LHFPL3: variants seen among roughly 807,000 people sequenced by gnomAD.
LHFPL3 encodes LHFPL tetraspan subfamily member 3 protein.
Under a neutral mutation model 19.3 loss-of-function variants are expected in LHFPL3, and 5 were observed. That is an observed-to-expected ratio of 0.26 (90% CI 0.14 to 0.54). The LOEUF is 0.54. LHFPL3 is among the 20% of genes least tolerant of loss of function. LHFPL3 has a pLI of 0.94. For synonymous variants in LHFPL3, 133 were observed against 126.2 expected (o/e 1.05, Z -0.36); for missense variants, 249 against 307.4 (o/e 0.81, Z 1.42).
chr7:104,848,125 A>G (rs1455815870), intron 2 of LHFPL3, among the ~76,000 whole-genome samples: 1 of 152,206 alleles, frequency 6.6e-6, no homozygotes, highest in Non-Finnish European at 1.5e-5. Flanking sequence ...TTTCAGCTCC[A>G]GAATTTTGGC....
At chr7:104,343,182 T>A (rs1355245854) in intron 1 of LHFPL3, among the ~76,000 whole-genome samples, 1 of 152,016 alleles carries the variant, frequency 6.6e-6, no homozygotes, top group Admixed American at 6.6e-5. Context: ...CCCAAATGTG[T>A]TAAAGTATTA....
intron 1 of LHFPL3, among the ~76,000 whole-genome samples, chr7:104,338,212 C>A (rs979348746): frequency 1.4e-5 from 2 of 147,680 alleles, no homozygotes; most frequent in African/African-American, 5.0e-5. Context: ...CATTCTCCTG[C>A]CTTAGCCTCC....
chr7:104,561,106 G>A lies in LHFPL3; in HGVS notation c.446-175569G>A, dbSNP rs1297393064. 2.0e-5 allele frequency among the ~76,000 whole-genome samples: 3 copies of A among 152,132 alleles called. No individual in the cohort carries two copies. In the East Asian group the frequency reaches 5.8e-4, roughly 29 times the overall value. ...TGAGGAGAGCTTTACTTCCCAGTATGTGGTCAATTTTGGAATAGGTGTGGT... is the reference window on the plus strand; with the variant it reads ...TGAGGAGAGCTTTACTTCCCAGTATATGGTCAATTTTGGAATAGGTGTGGT... On this transcript the variant is annotated intron_variant, in intron 1 of 2. Transcript: ENST00000424859.
chr7:104,342,398 C>T (rs146919123), intron 1 of LHFPL3, among the ~76,000 whole-genome samples: 58 of 151,904 alleles, frequency 3.8e-4, no homozygotes, highest in African/African-American at 9.9e-4. Context: ...GAACATGGAC[C>T]GCAGCCATAG....
At chr7:104,807,011 A>ATATGTGTGTGTGTGTGTG (rs1377044318) in intron 2 of LHFPL3, among the ~76,000 whole-genome samples, 39 of 139,768 alleles carry the variant, frequency 2.8e-4, no homozygotes, top group African/African-American at 6.7e-4. Context: ...CAAAATATAT[A>ATATGTGTGTGTGTGTGTG]TGTGTGTGTG....
chr7:104,747,635 C>G (rs914780953), intron 2 of LHFPL3, among the ~76,000 whole-genome samples: 1 of 152,172 alleles, frequency 6.6e-6, no homozygotes, highest in African/African-American at 2.4e-5. Context: ...TCTTGGGAGA[C>G]TATTCCCCCA....
chr7:104,587,586 T>G (rs1284070757), intron 1 of LHFPL3, among the ~76,000 whole-genome samples: 2 of 152,198 alleles, frequency 1.3e-5, no homozygotes, highest in Non-Finnish European at 2.9e-5. Flanking sequence ...ACATACATGT[T>G]CATGTGTCTT....
chr7:104,873,626 T>C (rs1248068592), intron 2 of LHFPL3, among the ~76,000 whole-genome samples: 1 of 152,082 alleles, frequency 6.6e-6, no homozygotes, highest in Non-Finnish European at 1.5e-5. Context: ...AGATTCTGTC[T>C]CTAAAAAGGA....
intron 1 of LHFPL3, among the ~76,000 whole-genome samples, chr7:104,653,747 A>G (rs1241904631): frequency 6.6e-6 from 1 of 152,194 alleles, no homozygotes; most frequent in Non-Finnish European, 1.5e-5. Flanking sequence ...ACCTGCCTGC[A>G]GGGACTTTTT....
intron 2 of LHFPL3, among the ~76,000 whole-genome samples, chr7:104,761,491 T>C (rs540287983): frequency 6.6e-6 from 1 of 152,248 alleles, no homozygotes; most frequent in East Asian, 1.9e-4. Context: ...TTCTCAAAGC[T>C]TCCCCCTGTC....
intron 1 of LHFPL3, among the ~76,000 whole-genome samples, chr7:104,697,157 C>T (rs1455162591): frequency 7.9e-5 from 12 of 152,114 alleles, no homozygotes; most frequent in Admixed American, 2.6e-4. Context: ...CCCTCATGAC[C>T]TAGAGACCTA....
chr7:104,533,743 AT>A (rs1437861293), intron 1 of LHFPL3, among the ~76,000 whole-genome samples: 2 of 152,118 alleles, frequency 1.3e-5, no homozygotes, highest in Non-Finnish European at 2.9e-5. Context: ...GGGACTCCAG[AT>A]TTGACTGCAC....
chr7:104,526,544 T>G lies in LHFPL3; in HGVS notation c.445+197320T>G, dbSNP rs2115829724. Reference sequence around the variant, plus strand: ...GCCAGTGCCAACTTGAAAATGAATTTTTAAAAGCCCACGGCAATCTCCATT... The same window carrying G: ...GCCAGTGCCAACTTGAAAATGAATTGTTAAAAGCCCACGGCAATCTCCATT... On this transcript the variant is annotated intron_variant, in intron 1 of 2. Coordinates refer to ENST00000424859, the MANE Select transcript of LHFPL3 (RefSeq NM_199000.3). 2.0e-5 allele frequency among the ~76,000 whole-genome samples: 3 copies of G among 152,362 alleles called. 1 individual carries two copies. In the South Asian group the frequency reaches 6.2e-4, roughly 32 times the overall value.
intron 1 of LHFPL3, among the ~76,000 whole-genome samples, chr7:104,563,856 G>T (rs1790067725): frequency 6.6e-6 from 1 of 152,182 alleles, no homozygotes; most frequent in African/African-American, 2.4e-5. Flanking sequence ...TGTTATAGTA[G>T]CCTGAACAGA....
At chr7:104,391,070 G>GT (rs1186182842) in intron 1 of LHFPL3, among the ~76,000 whole-genome samples, 1 of 152,110 alleles carries the variant, frequency 6.6e-6, no homozygotes, top group Non-Finnish European at 1.5e-5. Flanking sequence ...GTTCTTTGTA[G>GT]ATTCTGGATA....
Position 104,395,236 on chromosome 7 carries a change from T to C in LHFPL3, c.445+66012T>C, listed in dbSNP as rs146180229. Among the ~76,000 whole-genome samples the C allele has an allele frequency of 3.8e-3, 578 of 152,298 alleles. 4 individuals carry two copies. Among genetic ancestry groups the C allele is most frequent in the Middle Eastern group, 0.02 (6 of 294 alleles). On this transcript the variant is annotated intron_variant, in intron 1 of 2. Coordinates refer to ENST00000424859, the MANE Select transcript of LHFPL3 (RefSeq NM_199000.3). Reference sequence around the variant, plus strand: ...TAACACAATTAACAAACAAGGAACATGTAAAAAATTAAATCTAACTTTTTC... The same window carrying C: ...TAACACAATTAACAAACAAGGAACACGTAAAAAATTAAATCTAACTTTTTC...
At chr7:104,570,182 A>G (rs900690383) in intron 1 of LHFPL3, among the ~76,000 whole-genome samples, 1 of 152,228 alleles carries the variant, frequency 6.6e-6, no homozygotes, top group Admixed American at 6.5e-5. Context: ...GTAAATGCCC[A>G]GTCTATATTG....
intron 1 of LHFPL3, among the ~76,000 whole-genome samples, chr7:104,593,058 A>T (rs548357525): frequency 6.6e-6 from 1 of 152,076 alleles, no homozygotes; most frequent in South Asian, 2.1e-4. Flanking sequence ...CTCTGATCTT[A>T]GTTATTTCTT....
At chr7:104,745,535 A>G (rs976217983) in intron 2 of LHFPL3, among the ~76,000 whole-genome samples, 13 of 145,186 alleles carry the variant, frequency 9.0e-5, no homozygotes, top group Non-Finnish European at 1.2e-4. Flanking sequence ...ACCAAGAACC[A>G]ATGCAATAAC....
Sources: gnomAD v4.1 joint callset for allele counts (sites outside exome capture counted in the v4.1 genomes callset) on GRCh38, gnomAD v4.1.1 for gene constraint, MANE v1.5 for transcripts, NCBI Gene and HGNC (gene_info 2026-07-23, HGNC 2026-07-21) for gene names.